RABGAP1: variants seen among roughly 807,000 people sequenced by gnomAD.
RABGAP1 encodes the protein rab GTPase-activating protein 1.
RABGAP1 carries 23 observed loss-of-function variants against 137.6 expected under a neutral mutation model. The observed-to-expected ratio is 0.17, with a 90% CI of 0.12 to 0.24. The LOEUF (loss-of-function observed/expected upper bound fraction) is 0.24, where lower values mean the gene tolerates loss of function less well. RABGAP1 is among the 10% of genes least tolerant of loss of function. The pLI is 1.00. For missense variants in RABGAP1, 906 were observed against 1,275.8 expected (o/e 0.71, Z 4.42); for synonymous variants, 451 against 450.7 (o/e 1.00, Z -0.01).
At chr9:123,044,886 C>T (rs1006407878) in intron 13 of RABGAP1, among the ~76,000 whole-genome samples, 4 of 151,950 alleles carry the variant, frequency 2.6e-5, no homozygotes, top group African/African-American at 7.3e-5. Context: ...AATGAGATTT[C>T]GTAAAGTATC....
At chr9:122,976,509 T>G (rs1835768075) in intron 2 of RABGAP1, among the ~76,000 whole-genome samples, 1 of 152,218 alleles carries the variant, frequency 6.6e-6, no homozygotes, top group Non-Finnish European at 1.5e-5. Flanking sequence ...GTTTTTGTAT[T>G]TTAGTAGATA....
At chr9:123,029,141 C>T (rs1274043989) in intron 13 of RABGAP1, among the ~76,000 whole-genome samples, 1 of 152,002 alleles carries the variant, frequency 6.6e-6, no homozygotes, top group Non-Finnish European at 1.5e-5. Flanking sequence ...AAGAGGATTT[C>T]AGAGGTAGAG....
At chr9:123,044,796 G>C (rs1471961669) in intron 13 of RABGAP1, among the ~76,000 whole-genome samples, 1 of 152,188 alleles carries the variant, frequency 6.6e-6, no homozygotes, top group African/African-American at 2.4e-5. Flanking sequence ...TTAGAAGGCA[G>C]TGTGAGAGAT....
At chr9:122,982,036 A>G (rs965159560) in intron 2 of RABGAP1, among the ~76,000 whole-genome samples, 1 of 151,682 alleles carries the variant, frequency 6.6e-6, no homozygotes, top group Admixed American at 6.6e-5. Context: ...GCAACAGAGC[A>G]AGACTCTGTC....
intron 21 of RABGAP1, among the ~76,000 whole-genome samples, chr9:123,094,186 A>G (rs1419166327): frequency 6.6e-6 from 1 of 152,162 alleles, no homozygotes. Context: ...CAATCATATC[A>G]TCTCTGAATA....
chr9:122,951,414 CAA>C (rs886293634), intron 1 of RABGAP1, among the ~76,000 whole-genome samples: 3 of 137,624 alleles, frequency 2.2e-5, no homozygotes, highest in Admixed American at 7.3e-5. Context: ...TACTCTGTCT[CAA>C]AAAAAAAAAA....
intron 13 of RABGAP1, among the ~76,000 whole-genome samples, chr9:123,037,926 A>C (rs761955656): frequency 3.3e-5 from 5 of 152,178 alleles, no homozygotes; most frequent in African/African-American, 4.8e-5. Flanking sequence ...TTTTAGATTC[A>C]GTTACCATGG....
At chr9:122,997,498 T>C (rs1588239191) in intron 9 of RABGAP1, 137 bp downstream of exon 9, 2 of 522,234 alleles carry the variant, frequency 3.8e-6, no homozygotes, top group East Asian at 6.7e-5. Flanking sequence ...GTTCTTCACT[T>C]TATTATTAAA....
chr9:123,100,655 G>A (rs902680560), intron 24 of RABGAP1, among the ~76,000 whole-genome samples: 4 of 152,138 alleles, frequency 2.6e-5, no homozygotes, highest in Non-Finnish European at 5.9e-5. Flanking sequence ...TCCTGAGCTC[G>A]TGATCCACCC....
the RABGAP1 span, among the ~76,000 whole-genome samples, chr9:122,934,146 C>T: frequency 2.9e-5 from 4 of 138,336 alleles, 1 homozygote; most frequent in South Asian, 6.4e-4. Context: ...GGCGTGATCT[C>T]GGCTCACTGC....
intron 7 of RABGAP1, 162 bp downstream of exon 7, chr9:122,996,313 A>T: frequency 7.7e-7 from 1 of 1,292,650 alleles, no homozygotes; most frequent in Non-Finnish European, 1.0e-6. Flanking sequence ...TGAAATAGCT[A>T]CTATAAATAA....
At chr9:123,078,761 C>CT (rs1476778564) in intron 19 of RABGAP1, among the ~76,000 whole-genome samples, 1 of 152,146 alleles carries the variant, frequency 6.6e-6, no homozygotes, top group Non-Finnish European at 1.5e-5. Context: ...TGACTCCTCT[C>CT]TTTCTCACAC....
intron 13 of RABGAP1, chr9:123,029,487 C>G: frequency 8.6e-7 from 1 of 1,157,020 alleles, no homozygotes; most frequent in Middle Eastern, 2.3e-4. Context: ...CTAAGGAGCT[C>G]CAGAAGGGCT....
At chr9:122,998,469 T>C in intron 9 of RABGAP1, 128 bp from the exon 10 acceptor site, 1 of 756,012 alleles carries the variant, frequency 1.3e-6, no homozygotes, top group Non-Finnish European at 2.1e-6. Flanking sequence ...ATTTTACATG[T>C]TTAATTGATG....
intron 13 of RABGAP1, among the ~76,000 whole-genome samples, chr9:123,057,621 CAG>C: frequency 6.6e-6 from 1 of 152,252 alleles, no homozygotes; most frequent in South Asian, 2.1e-4. Flanking sequence ...GGCGGCCAGG[CAG>C]AGACGCTCCT....
chr9:123,076,590 T>G (rs1158760786), intron 18 of RABGAP1, 44 bp from the exon 19 acceptor site: 1 of 1,561,068 alleles, frequency 6.4e-7, no homozygotes, highest in African/African-American at 1.4e-5. Context: ...TGTGCATCCT[T>G]ATAGCAACAC....
chr9:123,069,218 A>G (rs1217628687), intron 14 of RABGAP1, among the ~76,000 whole-genome samples: 4 of 152,220 alleles, frequency 2.6e-5, no homozygotes, highest in African/African-American at 9.6e-5. Flanking sequence ...GAACCCACAA[A>G]TGGTTTCAGA....
At position 122,975,082 on chromosome 9, in the gene RABGAP1, T is replaced by A. The variant is rs541462090; in HGVS notation, c.151-9403T>A. 3.3e-5 allele frequency among the ~76,000 whole-genome samples: 5 copies of A among 152,346 alleles called. No homozygotes were observed. The South Asian group carries it at 1.0e-3, about 32-fold the overall frequency. On this transcript the variant is annotated intron_variant, in intron 2 of 25. Coordinates refer to ENST00000373647, the MANE Select transcript of RABGAP1 (RefSeq NM_012197.4). ...GCTTTTACACTGAAGCTCAGCAATA[T>A]TACTCAGTTTGAACCATTTTCATTT...
chr9:123,059,391 A>C (rs190693870), intron 13 of RABGAP1, among the ~76,000 whole-genome samples: 3 of 152,094 alleles, frequency 2.0e-5, no homozygotes, highest in Admixed American at 2.0e-4. Context: ...CGTCTCTACT[A>C]AATAATTAAA....
Sources: gnomAD v4.1 joint callset for allele counts (sites outside exome capture counted in the v4.1 genomes callset) on GRCh38, gnomAD v4.1.1 for gene constraint, MANE v1.5 for transcripts, NCBI Gene and HGNC (gene_info 2026-07-23, HGNC 2026-07-21) for gene names.